ZNF469: variants seen among roughly 807,000 people sequenced by gnomAD.
ZNF469 encodes the protein zinc finger protein 469.
In ZNF469, 1 loss-of-function variant was observed where a neutral mutation model predicts 1.0. The ratio of observed to expected loss-of-function variants is 1.00; its 90% CI spans 0.35 to 4.73. The LOEUF is 4.73. Among genes scored for constraint, ZNF469 ranks in the 30% most tolerant of loss-of-function variants. ZNF469 has a pLI of 0.16. For missense variants in ZNF469, 6,100 were observed against 5,356.3 expected, an observed-to-expected ratio of 1.14 and a Z score of -4.33; for synonymous variants, 2,703 against 2,363.4, an observed-to-expected ratio of 1.14 and a Z score of -4.17.
chr16:88,156,897 A>G, the ZNF469 span, among the ~76,000 whole-genome samples: 7 of 152,242 alleles, frequency 4.6e-5, no homozygotes, highest in African/African-American at 1.7e-4. Flanking sequence ...AGGGATGGAA[A>G]TAATTACTCT....
At chr16:88,115,482 G>A in the ZNF469 span, among the ~76,000 whole-genome samples, 2 of 151,778 alleles carry the variant, frequency 1.3e-5, no homozygotes, top group African/African-American at 4.8e-5. Context: ...GTCCCCTCCC[G>A]CTTTCCCTCC....
the ZNF469 span, among the ~76,000 whole-genome samples, chr16:88,350,676 G>T: frequency 6.6e-6 from 1 of 152,176 alleles, no homozygotes; most frequent in East Asian, 1.9e-4. Flanking sequence ...AGATCCCAGG[G>T]CTCCTGATGT....
chr16:88,137,962 G>T, the ZNF469 span, among the ~76,000 whole-genome samples: 1 of 152,120 alleles, frequency 6.6e-6, no homozygotes, highest in Non-Finnish European at 1.5e-5. Flanking sequence ...CGATAGAGCC[G>T]GGTTAAAGCA....
chr16:88,362,887 C>G, the ZNF469 span, among the ~76,000 whole-genome samples: 1 of 152,192 alleles, frequency 6.6e-6, no homozygotes, highest in African/African-American at 2.4e-5. Flanking sequence ...GTCTCTGAGG[C>G]TCTGTTAATT....
At chr16:88,288,220 A>T in the ZNF469 span, among the ~76,000 whole-genome samples, 2 of 152,050 alleles carry the variant, frequency 1.3e-5, no homozygotes, top group Admixed American at 1.3e-4. Context: ...TCCTAGATCC[A>T]TGCCCTTCAC....
chr16:88,397,709 G>T (rs1040906847), intron 1 of ZNF469, among the ~76,000 whole-genome samples: 1 of 129,838 alleles, frequency 7.7e-6, no homozygotes, highest in African/African-American at 3.0e-5. Flanking sequence ...AGATATATAC[G>T]CGAGGAAAGA....
chr16:88,146,924 G>A, the ZNF469 span, among the ~76,000 whole-genome samples: 4 of 151,988 alleles, frequency 2.6e-5, no homozygotes, highest in Admixed American at 2.6e-4. Flanking sequence ...ACGGTACAGC[G>A]TGGGTGGCCT....
the ZNF469 span, among the ~76,000 whole-genome samples, chr16:88,221,188 G>A: frequency 5.3e-5 from 8 of 152,252 alleles, no homozygotes; most frequent in African/African-American, 1.9e-4. Flanking sequence ...TCACACCAGA[G>A]AGATGAGGGC....
chr16:88,427,836 G>A lies in ZNF469; in HGVS notation c.366G>A (p.Leu122=). 2 of 1,549,004 alleles carry A rather than the reference G, an allele frequency of 1.3e-6. No individual in the cohort carries two copies. Among genetic ancestry groups the A allele is most frequent in the Non-Finnish European group, 8.7e-7 (1 of 1,146,808 alleles). The part of the protein sequence containing the change: ...AEGSPPQRYI[L]GIASSRTKPT... ...GCAGCCCCCCACAGCGCTACATTCT[G>A]GGCATCGCCAGCTCGAGGACCAAGC... Residue 122 remains leucine, a synonymous_variant, in exon 3 of 3, where the codon CTG becomes CTA. Coordinates refer to ENST00000565624, the MANE Select transcript of ZNF469 (RefSeq NM_001367624.2).
At chr16:88,300,092 C>T in the ZNF469 span, among the ~76,000 whole-genome samples, 3 of 152,190 alleles carry the variant, frequency 2.0e-5, no homozygotes, top group Non-Finnish European at 4.4e-5. Flanking sequence ...CTGGCTTACA[C>T]CATTGTCCCT....
chr16:88,409,881 GGGGC>G (rs1905102630), intron 1 of ZNF469, among the ~76,000 whole-genome samples: 3 of 146,136 alleles, frequency 2.1e-5, no homozygotes, highest in African/African-American at 5.4e-5. Flanking sequence ...GGGGGGGGGG[GGGGC>G]GCGGGGCGTT....
the ZNF469 span, among the ~76,000 whole-genome samples, chr16:88,107,810 A>G: frequency 6.6e-6 from 1 of 152,232 alleles, no homozygotes; most frequent in Non-Finnish European, 1.5e-5. Context: ...GACCCTCAGG[A>G]GAGCACAGCA....
intron 1 of ZNF469, among the ~76,000 whole-genome samples, chr16:88,418,348 G>A (rs1011308603): frequency 2.0e-5 from 3 of 152,202 alleles, no homozygotes; most frequent in Non-Finnish European, 4.4e-5. Flanking sequence ...CTAGGAGACT[G>A]AGCAGAGCTG....
the ZNF469 span, among the ~76,000 whole-genome samples, chr16:88,225,248 G>A: frequency 6.6e-6 from 1 of 152,212 alleles, no homozygotes; most frequent in Non-Finnish European, 1.5e-5. Flanking sequence ...AATCACCCTT[G>A]TGGCACCCAC....
intron 1 of ZNF469, among the ~76,000 whole-genome samples, chr16:88,412,785 G>T (rs975381612): frequency 2.6e-5 from 4 of 152,200 alleles, no homozygotes; most frequent in Admixed American, 2.6e-4. Context: ...AAACCATGCC[G>T]ACGGCTTCGG....
At chr16:88,130,850 C>T in the ZNF469 span, among the ~76,000 whole-genome samples, 5,040 of 151,954 alleles carry the variant, frequency 0.033, no homozygotes, top group African/African-American at 0.11. Flanking sequence ...GGAAACGACG[C>T]TGCCTGGGAT....
chr16:88,313,237 A>C, the ZNF469 span, among the ~76,000 whole-genome samples: 1 of 152,188 alleles, frequency 6.6e-6, no homozygotes, highest in African/African-American at 2.4e-5. Context: ...CTATCTAATT[A>C]TATATGAGAA....
chr16:88,414,065 G>A (rs1471641217), intron 1 of ZNF469, among the ~76,000 whole-genome samples: 2 of 152,208 alleles, frequency 1.3e-5, no homozygotes, highest in Non-Finnish European at 2.9e-5. Flanking sequence ...CCTCGGGTCT[G>A]GGACTCCCTG....
chr16:88,420,627 T>G (rs550413814), intron 1 of ZNF469, among the ~76,000 whole-genome samples: 20 of 151,798 alleles, frequency 1.3e-4, no homozygotes, highest in Non-Finnish European at 2.7e-4. Context: ...GCCCGAGGAG[T>G]TCACACCACA....
Sources: allele counts gnomAD v4.1 joint callset (sites outside exome capture counted in the v4.1 genomes callset), GRCh38; gene constraint gnomAD v4.1.1; transcripts MANE v1.5; gene names NCBI Gene and HGNC (gene_info 2026-07-23, HGNC 2026-07-21).